Variants in ARMH3 observed in about 807,000 individuals in gnomAD.
The protein encoded by ARMH3 is armadillo like helical domain containing 3.
In ARMH3, 60 loss-of-function variants were observed where a neutral mutation model predicts 99.1. That is an observed-to-expected ratio of 0.61 (90% CI 0.49 to 0.75). The LOEUF (loss-of-function observed/expected upper bound fraction) is 0.75. ARMH3 is among the 30% of genes least tolerant of loss of function. The pLI, the probability that ARMH3 is intolerant of heterozygous loss-of-function variation, is 0.00. For missense variants in ARMH3, 679 were observed against 843.1 expected (o/e 0.81, Z 2.41); for synonymous variants, 285 against 292.8 (o/e 0.97, Z 0.27).
chr10:101,896,477 A>G (rs183498084), intron 23 of ARMH3, among the ~76,000 whole-genome samples: 6 of 152,332 alleles, frequency 3.9e-5, no homozygotes, highest in Admixed American at 3.3e-4. Flanking sequence ...TTCAGGGGGA[A>G]CACAATATTC....
chr10:102,053,986 T>G (rs1205390039), intron 1 of ARMH3, among the ~76,000 whole-genome samples: 1 of 152,188 alleles, frequency 6.6e-6, no homozygotes, highest in Non-Finnish European at 1.5e-5. Flanking sequence ...CCTGGATCAA[T>G]TTTTGGCCAT....
Position 102,012,835 on chromosome 10 carries a change from G to A in ARMH3, c.768C>T (p.Asn256=), listed in dbSNP as rs896252621. ...CCATTCTGGAAAGGTGGACTTACCT[G>A]TTGTACTCAGATAAAGCCTGAGCAA... ...LVIAQALSEY[N]RQYKDKEEEH... is the part of the protein sequence containing the mutation. Residue 256 remains asparagine, a splice_region_variant and synonymous_variant, in exon 10 of 26, where the codon AAC becomes AAT. Transcript: ENST00000370033. 6.2e-7 allele frequency: 1 copy of A among 1,609,668 alleles called. No homozygotes were observed. The highest frequency in any genetic ancestry group is 1.3e-5 in the African/African-American group (1 of 74,836).
intron 8 of ARMH3, among the ~76,000 whole-genome samples, chr10:102,021,863 A>AT (rs905962222): frequency 5.9e-5 from 9 of 151,276 alleles, no homozygotes; most frequent in Admixed American, 1.3e-4. Flanking sequence ...TAATTTTTAA[A>AT]TTTTTTTTTG....
chr10:102,006,570 G>C lies in ARMH3; in HGVS notation c.1018C>G (p.Pro340Ala), dbSNP rs756445274. 4.3e-6 allele frequency: 7 copies of C among 1,614,038 alleles called. No homozygotes were observed. Among genetic ancestry groups the C allele is most frequent in the Non-Finnish European group, 5.9e-6 (7 of 1,179,922 alleles). Residue 340 changes from proline (P) to alanine (A), a missense_variant, in exon 14 of 26, where the codon CCA becomes GCA. Physicochemically the swap from Pro to Ala is conservative, Grantham distance 27. This residue lies in a region of ARMH3 where 389 missense variants were observed against 456.5 expected (regional missense o/e 0.85). Transcript: ENST00000370033. ...VSPAPTTPVTPLGTTPPSSDV... is the reference protein window; with the variant it reads ...VSPAPTTPVTALGTTPPSSDV... Reference sequence around the variant, plus strand: ...GAGGAAGGCGGTGTGGTCCCAAGTGGTGTGACTGGGGTTGTAGGAGCAGGA... The same window carrying C: ...GAGGAAGGCGGTGTGGTCCCAAGTGCTGTGACTGGGGTTGTAGGAGCAGGA...
At chr10:101,928,713 TTTG>T (rs1181385203) in intron 23 of ARMH3, among the ~76,000 whole-genome samples, 7 of 152,008 alleles carry the variant, frequency 4.6e-5, no homozygotes, top group Non-Finnish European at 1.0e-4. Context: ...AATAAGATAT[TTTG>T]TTGTTGTTGT....
At chr10:101,875,500 A>G (rs1867931) in intron 24 of ARMH3, among the ~76,000 whole-genome samples, 3,868 of 152,312 alleles carry the variant, frequency 0.025, 82 homozygotes, top group Non-Finnish European at 0.041. Flanking sequence ...CCTGTATATA[A>G]TAGGCAGAAG....
intron 13 of ARMH3, among the ~76,000 whole-genome samples, chr10:102,009,125 G>T (rs2066574112): frequency 6.6e-6 from 1 of 152,076 alleles, no homozygotes; most frequent in Non-Finnish European, 1.5e-5. Context: ...CAATTCATTT[G>T]GGTTAACAGG....
chr10:101,967,767 G>C (rs1241743254), intron 20 of ARMH3, among the ~76,000 whole-genome samples: 1 of 152,096 alleles, frequency 6.6e-6, no homozygotes, highest in Non-Finnish European at 1.5e-5. Context: ...AACAACTCTA[G>C]GTGGCTTTTC....
chr10:101,947,112 G>A (rs539463190), intron 22 of ARMH3, among the ~76,000 whole-genome samples: 4 of 151,954 alleles, frequency 2.6e-5, no homozygotes, highest in Admixed American at 6.6e-5. Context: ...GCTTGAACCC[G>A]GGAGGCAGAG....
intron 22 of ARMH3, among the ~76,000 whole-genome samples, chr10:101,944,273 T>TATATATAG (rs1844401380): frequency 7.9e-4 from 20 of 25,398 alleles, no homozygotes; most frequent in Non-Finnish European, 1.1e-3. Context: ...TATATATATA[T>TATATATAG]AGAGAGAGAG....
intron 23 of ARMH3, among the ~76,000 whole-genome samples, chr10:101,909,867 AAAATT>A (rs1215561062): frequency 6.6e-6 from 1 of 152,180 alleles, no homozygotes; most frequent in East Asian, 1.9e-4. Context: ...ATTAAAAATT[AAAATT>A]AAATTAATGT....
At chr10:102,038,004 A>T (rs528434953) in intron 2 of ARMH3, among the ~76,000 whole-genome samples, 1 of 151,934 alleles carries the variant, frequency 6.6e-6, no homozygotes, top group South Asian at 2.1e-4. Flanking sequence ...AAACGGAGGG[A>T]ATTCATGGAA....
intron 19 of ARMH3, among the ~76,000 whole-genome samples, chr10:101,976,523 C>A (rs183367984): frequency 6.6e-6 from 1 of 151,914 alleles, no homozygotes; most frequent in Admixed American, 6.6e-5. Flanking sequence ...GCGCCACTGA[C>A]GTCTTTCCCT....
chr10:101,884,652 G>A lies in ARMH3; in HGVS notation c.1860+4760C>T, dbSNP rs911056383. Among the ~76,000 whole-genome samples the A allele has an allele frequency of 2.6e-5, 4 of 152,060 alleles. No individual in the cohort carries two copies. In the South Asian group the frequency reaches 6.2e-4, roughly 24 times the overall value. On this transcript the variant is annotated intron_variant, in intron 24 of 25. Transcript: ENST00000370033. ...AAATGGATTAAATATCTAAACATAA[G>A]AGCTAAAACTAAACTCTTAGAAGAA...
chr10:101,860,680 G>A (rs1236194920), intron 24 of ARMH3, among the ~76,000 whole-genome samples: 1 of 152,170 alleles, frequency 6.6e-6, no homozygotes, highest in Non-Finnish European at 1.5e-5. Context: ...GAATTTGTAA[G>A]CTGAACAATT....
intron 22 of ARMH3, among the ~76,000 whole-genome samples, chr10:101,946,364 A>G (rs1844532379): frequency 6.6e-6 from 1 of 152,154 alleles, no homozygotes; most frequent in Non-Finnish European, 1.5e-5. Context: ...TTAGAAGTAA[A>G]GCTGGGCACA....
chr10:102,054,189 G>A (rs2067779973), intron 1 of ARMH3, among the ~76,000 whole-genome samples: 1 of 152,034 alleles, frequency 6.6e-6, no homozygotes, highest in Non-Finnish European at 1.5e-5. Flanking sequence ...AGGAGTTGGA[G>A]ACCAGCCTGG....
In ARMH3 at chr10:101,948,377, T is replaced by C. The variant is rs200648516; in HGVS notation, c.1705+8220A>G. 8.5e-5 allele frequency among the ~76,000 whole-genome samples: 13 copies of C among 152,286 alleles called. No individual in the cohort carries two copies. The East Asian group carries it at 1.9e-3, about 23-fold the overall frequency. ...GTGAATAGCCACTGTAGTCAAGCTATATAGCAAGAACTCACTTCTAAAAAG... is the reference window on the plus strand; with the variant it reads ...GTGAATAGCCACTGTAGTCAAGCTACATAGCAAGAACTCACTTCTAAAAAG... On this transcript the variant is annotated intron_variant, in intron 22 of 25. Transcript: ENST00000370033.
At chr10:101,889,752 C>T in intron 23 of ARMH3, 1 of 411,370 alleles carries the variant, frequency 2.4e-6, no homozygotes, top group South Asian at 2.9e-5. Flanking sequence ...AAACCCAAAG[C>T]CAAACAAAAA....
Sources: allele counts gnomAD v4.1 joint callset (sites outside exome capture counted in the v4.1 genomes callset), GRCh38; gene constraint gnomAD v4.1.1; regional missense constraint gnomAD v4.1.1; transcripts MANE v1.5; gene names NCBI Gene and HGNC (gene_info 2026-07-23, HGNC 2026-07-21).